The following PHF14 variants were observed in gnomAD, a reference collection of about 807,000 sequenced individuals.
The protein encoded by PHF14 is PHD finger protein 14.
Under a neutral mutation model 117.9 loss-of-function variants are expected in PHF14, and 55 were observed. The observed-to-expected ratio is 0.47, with a 90% confidence interval of 0.38 to 0.58. PHF14 has a LOEUF of 0.58. PHF14 is among the 20% of genes least tolerant of loss of function. The pLI is 0.00. For synonymous variants in PHF14, 409 were observed against 368.6 expected (o/e 1.11, Z -1.26); for missense variants, 978 against 1,122.2 (o/e 0.87, Z 1.84).
chr7:11,113,711 TCTTA>T (rs1213125174), intron 17 of PHF14, among the ~76,000 whole-genome samples: 1 of 152,180 alleles, frequency 6.6e-6, no homozygotes, highest in African/African-American at 2.4e-5. Context: ...CAGTGGTTTT[TCTTA>T]CTTTGGAAGA....
intron 9 of PHF14, 43 bp downstream of exon 9, chr7:11,036,731 A>AT (rs1562432884): frequency 6.5e-7 from 1 of 1,544,264 alleles, no homozygotes; most frequent in Admixed American, 1.8e-5. Context: ...ACTGAGAACA[A>AT]TTTGTTAATG....
At chr7:10,989,175 C>A (rs945859852) in intron 3 of PHF14, among the ~76,000 whole-genome samples, 1 of 152,064 alleles carries the variant, frequency 6.6e-6, no homozygotes, top group Non-Finnish European at 1.5e-5. Context: ...GCATTCTTTT[C>A]TGATTGTTTT....
At chr7:11,090,671 CTG>C (rs1562461397) in intron 16 of PHF14, among the ~76,000 whole-genome samples, 1 of 152,158 alleles carries the variant, frequency 6.6e-6, no homozygotes, top group East Asian at 1.9e-4. Flanking sequence ...AATAAGATTC[CTG>C]TGTTTGTTTC....
intron 13 of PHF14, among the ~76,000 whole-genome samples, chr7:11,049,464 G>C (rs911544842): frequency 8.0e-6 from 1 of 125,348 alleles, no homozygotes; most frequent in Non-Finnish European, 1.6e-5. Context: ...GACTTAGCAA[G>C]ACTGTCTCTC....
chr7:11,114,397 G>A (rs1364313164), intron 17 of PHF14, among the ~76,000 whole-genome samples: 36 of 152,002 alleles, frequency 2.4e-4, no homozygotes, highest in Non-Finnish European at 5.9e-5. Flanking sequence ...TTTTGATATG[G>A]GGTTGTATGA....
At chr7:10,990,644 TAAG>T in intron 3 of PHF14, 56 bp from the exon 4 acceptor site, 1 of 1,074,934 alleles carries the variant, frequency 9.3e-7, no homozygotes, top group Non-Finnish European at 1.3e-6. Flanking sequence ...TTTTAGTGAT[TAAG>T]TTTTTTTTTT....
chr7:11,149,600 G>A (rs1398342975), intron 17 of PHF14, among the ~76,000 whole-genome samples: 5 of 152,042 alleles, frequency 3.3e-5, no homozygotes, highest in Non-Finnish European at 7.4e-5. Flanking sequence ...TAATATATCA[G>A]TTTTCTCTTC....
At chr7:11,072,197 G>T (rs1016838672) in intron 16 of PHF14, among the ~76,000 whole-genome samples, 3 of 152,164 alleles carry the variant, frequency 2.0e-5, no homozygotes, top group Admixed American at 2.0e-4. Flanking sequence ...GAAAGCAAAG[G>T]GGGTAAAGGC....
At chr7:11,066,313 G>T (rs552262346) in intron 16 of PHF14, among the ~76,000 whole-genome samples, 75 of 152,280 alleles carry the variant, frequency 4.9e-4, no homozygotes, top group African/African-American at 1.6e-3. Flanking sequence ...AGGCTAGAGT[G>T]CAGTGGCACT....
intron 17 of PHF14, among the ~76,000 whole-genome samples, chr7:11,128,002 A>G (rs1353604463): frequency 6.6e-6 from 1 of 152,032 alleles, no homozygotes; most frequent in Non-Finnish European, 1.5e-5. Context: ...ACCTTTTTAA[A>G]GTTGTAACTT....
intron 16 of PHF14, among the ~76,000 whole-genome samples, chr7:11,110,780 G>A (rs1787417498): frequency 6.6e-6 from 1 of 151,954 alleles, no homozygotes; most frequent in African/African-American, 2.4e-5. Context: ...TGTAGATTGT[G>A]TTAGCATGCT....
intron 17 of PHF14, among the ~76,000 whole-genome samples, chr7:11,125,025 ACTC>A (rs1202761132): frequency 1.3e-5 from 2 of 151,972 alleles, no homozygotes; most frequent in Non-Finnish European, 1.5e-5. Flanking sequence ...AGGTAACTCA[ACTC>A]CTCAGGGCCC....
At chr7:11,077,269 G>A (rs749511343) in intron 16 of PHF14, among the ~76,000 whole-genome samples, 6 of 151,512 alleles carry the variant, frequency 4.0e-5, no homozygotes, top group African/African-American at 9.7e-5. Context: ...TGTTAGAAAC[G>A]TAAGCATTTG....
At chr7:11,168,515 GAGAT>G (rs746768601) in intron 17 of PHF14, among the ~76,000 whole-genome samples, 2 of 152,152 alleles carry the variant, frequency 1.3e-5, no homozygotes, top group Non-Finnish European at 2.9e-5. Flanking sequence ...ATCAGATACA[GAGAT>G]AGAGTGGTAT....
At chr7:11,146,803 T>A (rs994436614) in intron 17 of PHF14, among the ~76,000 whole-genome samples, 5 of 152,150 alleles carry the variant, frequency 3.3e-5, no homozygotes, top group Non-Finnish European at 5.9e-5. Context: ...TGCAATTGAC[T>A]CACTTTTGTG....
intron 5 of PHF14, among the ~76,000 whole-genome samples, chr7:11,017,279 C>G (rs1048790761): frequency 7.9e-5 from 12 of 152,146 alleles, no homozygotes; most frequent in African/African-American, 2.9e-4. Flanking sequence ...AGTGCAGTTG[C>G]TGGATTATAT....
At chr7:11,128,374 C>G (rs1226459482) in intron 17 of PHF14, among the ~76,000 whole-genome samples, 1 of 151,934 alleles carries the variant, frequency 6.6e-6, no homozygotes, top group Non-Finnish European at 1.5e-5. Flanking sequence ...TAAAAAAAGT[C>G]TTTGTTATTT....
chr7:11,085,439 G>C (rs746582820), intron 16 of PHF14, among the ~76,000 whole-genome samples: 11 of 152,104 alleles, frequency 7.2e-5, no homozygotes, highest in Non-Finnish European at 1.3e-4. Context: ...TAATGTATTG[G>C]ATCTTAATGG....
chr7:11,161,316 G>A (rs544389803), intron 17 of PHF14, among the ~76,000 whole-genome samples: 1 of 152,248 alleles, frequency 6.6e-6, no homozygotes, highest in Non-Finnish European at 1.5e-5. Context: ...TGTCCAGTGA[G>A]AAGGATAAAC....
Sources: gnomAD v4.1 joint callset for allele counts (sites outside exome capture counted in the v4.1 genomes callset) on GRCh38, gnomAD v4.1.1 for gene constraint, MANE v1.5 for transcripts, NCBI Gene and HGNC (gene_info 2026-07-23, HGNC 2026-07-21) for gene names.